Variants in SHC2 observed in about 807,000 individuals in gnomAD.
The protein encoded by SHC2 is SHC-transforming protein 2.
Under a neutral mutation model 60.6 loss-of-function variants are expected in SHC2, and 62 were observed. The observed-to-expected ratio is 1.02, with a 90% CI of 0.83 to 1.26. The LOEUF is 1.26. SHC2 is among the 50% of genes most tolerant of loss of function. SHC2 has a pLI of 0.00. For missense variants in SHC2, 873 were observed against 822.2 expected (o/e 1.06, Z -0.76); for synonymous variants, 375 against 372.4 (o/e 1.01, Z -0.08).
At chr19:456,699 G>GAACT (rs1975350129) in intron 1 of SHC2, among the ~76,000 whole-genome samples, 1 of 152,068 alleles carries the variant, frequency 6.6e-6, no homozygotes, top group Non-Finnish European at 1.5e-5. Context: ...CTTTGCACCT[G>GAACT]CTGTGCCCCC....
Position 425,697 on chromosome 19 carries a change from CTTCCT to C in SHC2, c.1175-471_1175-467del, listed in dbSNP as rs1454348132. Among the ~76,000 whole-genome samples, 1 of 152,170 alleles carries C rather than the reference CTTCCT, an allele frequency of 6.6e-6. No homozygotes were observed. Among genetic ancestry groups the C allele is most frequent in the Non-Finnish European group, 1.5e-5 (1 of 68,018 alleles). ...GACTCAGTTCTATTTCAGGATTTTC[CTTCCT>C]TTCTTTTTTTAATTGTATTTTGAAC... On this transcript the variant is annotated intron_variant, in intron 9 of 12. Coordinates refer to ENST00000264554, the MANE Select transcript of SHC2 (RefSeq NM_012435.3). The surrounding 1 kb of genome is among the most constrained non-coding windows in gnomAD (Gnocchi z 4.1).
rs375199083 is a variant in SHC2 at position 430,635 on chromosome 19, G to A, written c.1174+49C>T. 4.6e-5 allele frequency: 70 copies of A among 1,511,532 alleles called. No homozygotes were observed. In the African/African-American group the frequency reaches 7.4e-4, roughly 16 times the overall value. The allele number at this position is 1,511,532 out of a possible 1,614,324, so 93.6% of individuals were successfully genotyped here. A position where few individuals can be genotyped will look rare whatever the true frequency, so the allele number is the denominator to read the frequency against. ...GGAGCCAGCACAGGACAGGGCTGAG[G>A]AGCCCCAGAATCCTCGTGGGTACCC... On this transcript the variant is annotated intron_variant, in intron 9 of 12. Transcript: ENST00000264554.
At chr19:436,728 A>C (rs755625693) in intron 4 of SHC2, 45 bp from the exon 5 acceptor site, 2 of 1,572,108 alleles carry the variant, frequency 1.3e-6, no homozygotes, top group African/African-American at 2.7e-5. Context: ...CCCCGCTTCG[A>C]GGGCAGGGGG....
intron 1 of SHC2, among the ~76,000 whole-genome samples, chr19:457,728 G>T (rs1412864566): frequency 1.3e-5 from 2 of 152,204 alleles, no homozygotes. Context: ...TCTGAATTCT[G>T]AACATTCTAA....
intron 2 of SHC2, 137 bp from the exon 3 acceptor site, chr19:439,167 A>T: frequency 7.7e-6 from 1 of 130,446 alleles, no homozygotes; most frequent in Non-Finnish European, 1.5e-5. Flanking sequence ...GGGGAGAGGA[A>T]GGCAGAGAGG....
At chr19:458,729 TGGGTTCCGGGGAGGCGGAAGC>T (rs1568301059) in intron 1 of SHC2, among the ~76,000 whole-genome samples, 19 of 32,974 alleles carry the variant, frequency 5.8e-4, no homozygotes, top group African/African-American at 1.6e-3. Flanking sequence ...GAGGCGGAAG[TGGGTTCCGGGGAGGCGGAAGC>T]GGGTCCCGGG....
chr19:460,588 G>T lies in SHC2; in HGVS notation c.409C>A (p.His137Asn), dbSNP rs1253640609. 3.5e-6 allele frequency: 5 copies of T among 1,410,424 alleles called. No homozygotes were observed. The East Asian group carries it at 1.6e-4, about 44-fold the overall frequency. 87.4% of individuals were successfully genotyped at this position (1,410,424 alleles called of 1,614,324 possible). The change falls in exon 1 of 13, where the codon CAC (histidine) becomes AAC (asparagine). Residue 137 changes from histidine to asparagine, a missense_variant. Transcript: ENST00000264554. ...RKGSFIHKPA[H>N]GWLHPDARVL... ...CTGGCGTCGGGGTGTAGCCAGCCGT[G>T]CGCGGGTTTGTGGATGAAGCTGCCC...
In SHC2 at chr19:445,166, G is replaced by C. The variant is rs760331434; in HGVS notation, c.469-4234C>G. On this transcript the variant is annotated intron_variant, in intron 1 of 12. Coordinates refer to ENST00000264554, the MANE Select transcript of SHC2 (RefSeq NM_012435.3). The surrounding 1 kb of genome is among the most constrained non-coding windows in gnomAD (Gnocchi z 4.4). ...CCCAGTTTGTAAATATCGATCTAGG[G>C]CTGAATATCTGTGCCCCCCTCAAAA... Among the ~76,000 whole-genome samples, 6 of 152,206 alleles carry C rather than the reference G, an allele frequency of 3.9e-5. No individual in the cohort carries two copies. The highest frequency in any genetic ancestry group is 7.2e-5 in the African/African-American group (3 of 41,448).
rs777083384 is a variant in SHC2 at position 422,330 on chromosome 19, T to A, written c.1436A>T (p.Glu479Val). ...PTRRAPVAPT[E>V]EQLRQEPWYH... ...CCAGGGCTCCTGACGCAGCTGTTCC[T>A]CCGTGGGGGCCACAGGGGCCCGGCG... Residue 479 changes from glutamate (E) to valine (V), a missense_variant, in exon 11 of 13, where the codon GAG becomes GTG. Glu to Val is a moderately radical substitution (Grantham distance 121). Transcript: ENST00000264554. The surrounding 1 kb of genome is among the most constrained non-coding windows in gnomAD (Gnocchi z 5.0). The A allele has an allele frequency of 6.2e-7, 1 of 1,610,338 alleles. No individual in the cohort carries two copies. The highest frequency in any genetic ancestry group is 2.2e-5 in the East Asian group (1 of 44,794).
rs780331917 is a variant in SHC2, at chr19:460,515, T to TG, written c.468+13dup. 28 of 706,182 alleles carry TG rather than the reference T, an allele frequency of 4.0e-5. No homozygotes were observed. The highest frequency in any genetic ancestry group is 4.3e-5 in the Non-Finnish European group (26 of 608,644). The allele number at this position is 706,182 out of a possible 1,614,324, so 43.7% of individuals were successfully genotyped here. ...GCCGCGAACGGGCTCCCGGGGGGGG[T>TG]GGGGGGGACTCACCCGCACGACGTA... On this transcript the variant is annotated intron_variant, in intron 1 of 12. Coordinates refer to ENST00000264554, the MANE Select transcript of SHC2 (RefSeq NM_012435.3).
rs914047288 is a variant in SHC2, at chr19:422,651, C to T, written c.1310-195G>A. ...TGCGGTGGGCTCACATGTGTAGCAA[C>T]CTGGACTCCCCAGGTTGGGTTTTCT... is the stretch of plus-strand genomic sequence containing the variant. On this transcript the variant is annotated intron_variant, in intron 10 of 12. Coordinates refer to ENST00000264554, the MANE Select transcript of SHC2 (RefSeq NM_012435.3). The surrounding 1 kb of genome is among the most constrained non-coding windows in gnomAD (Gnocchi z 5.0). 5.5e-6 allele frequency: 3 copies of T among 546,938 alleles called. No homozygotes were observed. Among genetic ancestry groups the T allele is most frequent in the Non-Finnish European group, 9.6e-6 (3 of 310,952 alleles). The allele number at this position is 546,938 out of a possible 1,614,324, so 33.9% of individuals were successfully genotyped here.
In SHC2 at chr19:438,134, C is replaced by T. The variant is rs1453884371; in HGVS notation, c.720+584G>A. ...AAGTAGCTGGGATTACAGGCGCCCA[C>T]CACCACACCCGGCTAATCTTTGTAT... On this transcript the variant is annotated intron_variant, in intron 4 of 12. Coordinates refer to ENST00000264554, the MANE Select transcript of SHC2 (RefSeq NM_012435.3). The surrounding 1 kb of genome is among the most constrained non-coding windows in gnomAD (Gnocchi z 5.0). Among the ~76,000 whole-genome samples the T allele has an allele frequency of 6.6e-6, 1 of 152,158 alleles. No homozygotes were observed. Among genetic ancestry groups the T allele is most frequent in the Non-Finnish European group, 1.5e-5 (1 of 68,036 alleles).
chr19:460,161 C>T (rs1207694939), intron 1 of SHC2, among the ~76,000 whole-genome samples: 1 of 152,214 alleles, frequency 6.6e-6, no homozygotes, highest in Non-Finnish European at 1.5e-5. Flanking sequence ...GCCAGCGTCT[C>T]GGGCCCCGTC....
At chr19:437,987 T>G (rs1292594062) in intron 4 of SHC2, among the ~76,000 whole-genome samples, 2 of 152,186 alleles carry the variant, frequency 1.3e-5, no homozygotes, top group Admixed American at 1.3e-4. Context: ...TATAGTTTTT[T>G]GTTTTTTGGT....
chr19:422,213 T>C lies in SHC2; in HGVS notation c.1553A>G (p.Gln518Arg), dbSNP rs772659737. 23 of 1,612,510 alleles carry C rather than the reference T, an allele frequency of 1.4e-5. No homozygotes were observed. In the African/African-American group the frequency reaches 1.5e-4, roughly 10 times the overall value. ...GGCGTGCATGCCGGTGAGGACATAC[T>C]GCCCGGGGTTGGTGACGCTGTCTCG... ...LVRDSVTNPG[Q>R]YVLTGMHAGQ... is the part of the protein sequence containing the mutation. The change falls in exon 11 of 13, where the codon CAG (glutamine) becomes CGG (arginine). Residue 518 changes from glutamine to arginine, a missense_variant. Coordinates refer to ENST00000264554, the MANE Select transcript of SHC2 (RefSeq NM_012435.3). This position sits in a 1 kb window ranked among gnomAD's most constrained non-coding sequence, Gnocchi z 5.0.
At chr19:439,094 G>T in intron 2 of SHC2, 64 bp from the exon 3 acceptor site, 1 of 603,942 alleles carries the variant, frequency 1.7e-6, no homozygotes. Flanking sequence ...AGCTGGGGAG[G>T]AAGGGGTCAG....
In SHC2 at chr19:425,655, G is replaced by A. The variant is rs573061659; in HGVS notation, c.1175-424C>T. The stretch of plus-strand genomic sequence containing the variant: ...TAATTATGCTATCAACATGACGCAC[G>A]GAGGGTCACTTATTCTGACTCAGTT... On this transcript the variant is annotated intron_variant, in intron 9 of 12. Coordinates refer to ENST00000264554, the MANE Select transcript of SHC2 (RefSeq NM_012435.3). The surrounding 1 kb of genome is among the most constrained non-coding windows in gnomAD (Gnocchi z 4.1). Among the ~76,000 whole-genome samples the A allele has an allele frequency of 3.3e-5, 5 of 152,334 alleles. No homozygotes were observed. In the South Asian group the frequency reaches 1.0e-3, roughly 32 times the overall value.
At chr19:434,175 A>G (rs1381869749) in intron 8 of SHC2, among the ~76,000 whole-genome samples, 1 of 141,520 alleles carries the variant, frequency 7.1e-6, no homozygotes, top group Non-Finnish European at 1.5e-5. Flanking sequence ...AGTGAGAGAT[A>G]GAGGAGGCCG....
intron 2 of SHC2, chr19:439,315 G>A (rs940201764): frequency 6.5e-5 from 33 of 510,430 alleles, no homozygotes; most frequent in African/African-American, 5.0e-4. Flanking sequence ...GCAGAGGCCC[G>A]GCCCCCAGCT....
Sources: gnomAD v4.1 joint callset for allele counts (sites outside exome capture counted in the v4.1 genomes callset) on GRCh38, gnomAD v4.1.1 for gene constraint, Gnocchi (gnomAD v3.1) non-coding constraint, MANE v1.5 for transcripts, NCBI Gene and HGNC (gene_info 2026-07-23, HGNC 2026-07-21) for gene names.